SCN8A: variants seen among roughly 807,000 people sequenced by gnomAD.
SCN8A encodes sodium channel protein type 8 subunit alpha.
In SCN8A, 30 loss-of-function variants were observed where a neutral mutation model predicts 184.1. The ratio of observed to expected loss-of-function variants is 0.16; its 90% CI spans 0.12 to 0.22. The LOEUF (loss-of-function observed/expected upper bound fraction) is 0.22, where lower values mean the gene tolerates loss of function less well. Among genes scored for constraint, SCN8A ranks in the 10% least tolerant of loss-of-function variants. SCN8A has a pLI of 1.00. For synonymous variants in SCN8A, 852 were observed against 907.0 expected (o/e 0.94, Z 1.09); for missense variants, 1,057 against 2,498.9 (o/e 0.42, Z 12.30).
intron 12 of SCN8A, among the ~76,000 whole-genome samples, chr12:51,742,650 T>C (rs1942445694): frequency 2.0e-5 from 3 of 151,662 alleles, no homozygotes; most frequent in Non-Finnish European, 4.4e-5. Context: ...CCTTTGGGAG[T>C]TTTGTTATTA....
At chr12:51,743,066 T>A (rs1942453508) in intron 12 of SCN8A, among the ~76,000 whole-genome samples, 1 of 152,186 alleles carries the variant, frequency 6.6e-6, no homozygotes, top group African/African-American at 2.4e-5. Flanking sequence ...TTATAATTAT[T>A]TCAGTCTCTT....
chr12:51,728,289 C>T (rs539068016), intron 12 of SCN8A, among the ~76,000 whole-genome samples: 4 of 152,238 alleles, frequency 2.6e-5, no homozygotes, highest in Admixed American at 2.0e-4. Context: ...AAAAATAGAA[C>T]GTTGACCCAT....
At chr12:51,695,574 C>T (rs1941579602) in intron 6 of SCN8A, among the ~76,000 whole-genome samples, 2 of 152,126 alleles carry the variant, frequency 1.3e-5, no homozygotes, top group African/African-American at 4.8e-5. Flanking sequence ...TCTGGGAAGC[C>T]AGTAGAAACC....
intron 12 of SCN8A, among the ~76,000 whole-genome samples, chr12:51,724,646 G>A (rs140411426): frequency 6.6e-6 from 1 of 152,322 alleles, no homozygotes; most frequent in East Asian, 1.9e-4. Context: ...AATGGCAAAT[G>A]AAGGATGGAT....
At chr12:51,721,095 A>ATATATATATAATATTTATTTATTTT (rs1565899340) in intron 11 of SCN8A, among the ~76,000 whole-genome samples, 1 of 73,146 alleles carries the variant, frequency 1.4e-5, no homozygotes, top group African/African-American at 4.5e-5. Flanking sequence ...ATATATATAT[A>ATATATATATAATATTTATTTATTTT]TATATATATA....
intron 9 of SCN8A, among the ~76,000 whole-genome samples, chr12:51,704,870 G>A (rs1941755253): frequency 6.6e-6 from 1 of 151,984 alleles, no homozygotes; most frequent in African/African-American, 2.4e-5. Flanking sequence ...AGCTACTCGG[G>A]AGGCTGAGGC....
intron 12 of SCN8A, among the ~76,000 whole-genome samples, chr12:51,729,936 G>A (rs1942214048): frequency 6.6e-6 from 1 of 151,564 alleles, no homozygotes; most frequent in Non-Finnish European, 1.5e-5. Flanking sequence ...ATGTTTTTTG[G>A]TTTCTCATAC....
rs1201408470 is a variant in SCN8A, at chr12:51,810,417, A to T, written c.*2988A>T. 8.8e-6 allele frequency: 4 copies of T among 453,580 alleles called. No homozygotes were observed. Among genetic ancestry groups the T allele is most frequent in the South Asian group, 3.1e-5 (2 of 63,958 alleles). The allele number at this position is 453,580 out of a possible 1,614,324, so 28.1% of individuals were successfully genotyped here. A position where few individuals can be genotyped will look rare whatever the true frequency, so the allele number is the denominator to read the frequency against. ...TAACAGGCATCGAACTGAAAGAATC[A>T]GTGATGACGTTTTTGTGCATCTTCG... On this transcript the variant is annotated 3_prime_UTR_variant, in exon 27 of 27. Coordinates refer to ENST00000627620, the MANE Select transcript of SCN8A (RefSeq NM_001330260.2).
Position 51,770,513 on chromosome 12 carries a change from C to A in SCN8A, c.3491-16C>A, listed in dbSNP as rs770735430. 3.2e-6 allele frequency: 5 copies of A among 1,576,176 alleles called. No individual in the cohort carries two copies. In the South Asian group the frequency reaches 5.8e-5, roughly 18 times the overall value. Reference sequence around the variant, plus strand: ...CACGTTTCCACGGTCTGACCCGCCTCTCCCGCTGGTGCCAGGTTGTGTCCA... The same window carrying A: ...CACGTTTCCACGGTCTGACCCGCCTATCCCGCTGGTGCCAGGTTGTGTCCA... On this transcript the variant is annotated splice_polypyrimidine_tract_variant and intron_variant, in intron 18 of 26. Transcript: ENST00000627620.
At chr12:51,786,903 C>A (rs1484822996) in intron 22 of SCN8A, 77 bp downstream of exon 22, 2 of 1,308,464 alleles carry the variant, frequency 1.5e-6, no homozygotes, top group African/African-American at 1.5e-5. Context: ...TTGGCTTCTT[C>A]TCAACCCTAC....
chr12:51,658,446 T>C (rs188980675), intron 1 of SCN8A, among the ~76,000 whole-genome samples: 3 of 152,152 alleles, frequency 2.0e-5, no homozygotes, highest in African/African-American at 7.2e-5. Context: ...GCTACTGATT[T>C]TTGTACGTTG....
At chr12:51,769,689 T>C (rs901368152) in intron 17 of SCN8A, among the ~76,000 whole-genome samples, 179 bp from the exon 18 acceptor site, 1 of 152,204 alleles carries the variant, frequency 6.6e-6, no homozygotes, top group Non-Finnish European at 1.5e-5. Context: ...TGATGTTATA[T>C]CCCATCTGGA....
chr12:51,702,976 CCTT>C, intron 9 of SCN8A, 62 bp downstream of exon 9: 1 of 1,452,186 alleles, frequency 6.9e-7, no homozygotes. Flanking sequence ...GGGTTGGGGA[CCTT>C]CTGTGTGAGA....
At chr12:51,707,923 A>G (rs550251828) in intron 11 of SCN8A, among the ~76,000 whole-genome samples, 59 of 152,092 alleles carry the variant, frequency 3.9e-4, no homozygotes, top group African/African-American at 1.3e-3. Context: ...TTTCTACCTC[A>G]CTATGCTCCA....
At chr12:51,602,507 G>T (rs1221752640) in intron 1 of SCN8A, among the ~76,000 whole-genome samples, 1 of 152,136 alleles carries the variant, frequency 6.6e-6, no homozygotes, top group Non-Finnish European at 1.5e-5. Flanking sequence ...GAGAAAATGA[G>T]ATTGTTCTGG....
intron 2 of SCN8A, among the ~76,000 whole-genome samples, chr12:51,667,118 G>A (rs1828450657): frequency 6.6e-6 from 1 of 152,062 alleles, no homozygotes; most frequent in African/African-American, 2.4e-5. Context: ...TATTTAAGTG[G>A]TTAAAAATTC....
At chr12:51,629,751 G>A (rs1206028143) in intron 1 of SCN8A, among the ~76,000 whole-genome samples, 1 of 152,106 alleles carries the variant, frequency 6.6e-6, no homozygotes, top group Non-Finnish European at 1.5e-5. Flanking sequence ...ATTCTCTGTG[G>A]CATACTCTTG....
chr12:51,743,648 G>T (rs141427128), intron 12 of SCN8A, among the ~76,000 whole-genome samples: 2 of 152,158 alleles, frequency 1.3e-5, no homozygotes, highest in Non-Finnish European at 2.9e-5. Context: ...ACAGGGTCTC[G>T]CCCAAGGCCC....
intron 20 of SCN8A, among the ~76,000 whole-genome samples, chr12:51,777,560 GAGGA>G (rs1475291703): frequency 1.3e-5 from 2 of 152,190 alleles, no homozygotes; most frequent in Non-Finnish European, 1.5e-5. Context: ...CAGAGACTCA[GAGGA>G]TTATAAGAGA....
Sources: gnomAD v4.1 joint callset for allele counts (sites outside exome capture counted in the v4.1 genomes callset) on GRCh38, gnomAD v4.1.1 for gene constraint, MANE v1.5 for transcripts, NCBI Gene and HGNC (gene_info 2026-07-23, HGNC 2026-07-21) for gene names.